The following HS3ST4 variants were observed in gnomAD, a reference collection of about 807,000 sequenced individuals.
HS3ST4 encodes the protein heparan sulfate-glucosamine 3-sulfotransferase 4, also known as heparan sulfate glucosamine 3-O-sulfotransferase 4.
In HS3ST4, 17 loss-of-function variants were observed where a neutral mutation model predicts 29.2. The observed-to-expected ratio is 0.58, with a 90% CI of 0.40 to 0.87. HS3ST4 has a LOEUF of 0.87. HS3ST4 is among the 40% of genes least tolerant of loss of function. HS3ST4 has a pLI of 0.00. For synonymous variants in HS3ST4, 314 were observed against 285.7 expected, an observed-to-expected ratio of 1.10 and a Z score of -1.00; for missense variants, 627 against 634.5, an observed-to-expected ratio of 0.99 and a Z score of 0.13.
intron 1 of HS3ST4, among the ~76,000 whole-genome samples, chr16:25,904,402 G>A (rs1968159539): frequency 6.6e-6 from 1 of 152,198 alleles, no homozygotes; most frequent in Admixed American, 6.5e-5. Context: ...TGGTGTCAAA[G>A]CATTGAAATA....
At chr16:25,968,260 G>C (rs753114219) in intron 1 of HS3ST4, among the ~76,000 whole-genome samples, 1 of 152,164 alleles carries the variant, frequency 6.6e-6, no homozygotes, top group African/African-American at 2.4e-5. Flanking sequence ...CAGCAAATGT[G>C]GCTGCAGGTG....
At chr16:25,871,854 GA>G (rs1385176674) in intron 1 of HS3ST4, among the ~76,000 whole-genome samples, 1 of 152,092 alleles carries the variant, frequency 6.6e-6, no homozygotes, top group Non-Finnish European at 1.5e-5. Context: ...ATTTTCTACT[GA>G]AAACTCTTCA....
rs965482375 is a variant in HS3ST4, at chr16:25,904,275, A to G, written c.734+211124A>G. 2.0e-5 allele frequency among the ~76,000 whole-genome samples: 3 copies of G among 152,128 alleles called. No homozygotes were observed. In the East Asian group the frequency reaches 5.8e-4, roughly 29 times the overall value. On this transcript the variant is annotated intron_variant, in intron 1 of 1. Transcript: ENST00000331351. ...GGAAGAATGGATGGATGAGTGAATG[A>G]TGTTTGGCATTTCTAACCTCTCATG...
chr16:25,931,227 C>T (rs1404986968), intron 1 of HS3ST4, among the ~76,000 whole-genome samples: 1 of 152,196 alleles, frequency 6.6e-6, no homozygotes, highest in Non-Finnish European at 1.5e-5. Context: ...CCGTGTGACC[C>T]CTCCAAGCTG....
At chr16:25,952,812 T>G (rs761987903) in intron 1 of HS3ST4, among the ~76,000 whole-genome samples, 2 of 152,196 alleles carry the variant, frequency 1.3e-5, no homozygotes, top group African/African-American at 2.4e-5. Flanking sequence ...TCATGGATAG[T>G]GCATTTCTGC....
intron 1 of HS3ST4, among the ~76,000 whole-genome samples, chr16:26,104,988 T>C (rs118158041): frequency 0.012 from 1,894 of 152,284 alleles, 115 homozygotes; most frequent in Admixed American, 0.11. Context: ...CCTGATACTT[T>C]CATTATTTCA....
chr16:25,788,452 CTG>C (rs1966860996), intron 1 of HS3ST4, among the ~76,000 whole-genome samples: 1 of 149,920 alleles, frequency 6.7e-6, no homozygotes, highest in Non-Finnish European at 1.5e-5. Context: ...CAGTAAGTCT[CTG>C]TGAATAATCT....
chr16:26,110,571 T>C (rs1445321104), intron 1 of HS3ST4, among the ~76,000 whole-genome samples: 1 of 152,206 alleles, frequency 6.6e-6, no homozygotes, highest in East Asian at 1.9e-4. Context: ...TGGCCCTTTC[T>C]TCCAAATAAT....
At chr16:25,723,001 A>G (rs1213077477) in intron 1 of HS3ST4, among the ~76,000 whole-genome samples, 4 of 152,230 alleles carry the variant, frequency 2.6e-5, no homozygotes, top group Non-Finnish European at 4.4e-5. Flanking sequence ...ACATGACAGG[A>G]GACAAGAGAG....
intron 1 of HS3ST4, among the ~76,000 whole-genome samples, chr16:25,946,755 A>G (rs1406101474): frequency 6.6e-6 from 1 of 152,148 alleles, no homozygotes; most frequent in Non-Finnish European, 1.5e-5. Context: ...ACCTAACCAA[A>G]CAGATCAGGA....
intron 1 of HS3ST4, among the ~76,000 whole-genome samples, chr16:26,129,085 A>G (rs1899384469): frequency 6.6e-6 from 1 of 152,200 alleles, no homozygotes; most frequent in East Asian, 1.9e-4. Flanking sequence ...AATCCGGGTG[A>G]TTGCTTTCTC....
chr16:26,116,680 T>C (rs1373794465), intron 1 of HS3ST4, among the ~76,000 whole-genome samples: 1 of 152,234 alleles, frequency 6.6e-6, no homozygotes, highest in African/African-American at 2.4e-5. Flanking sequence ...CATTTGTTCA[T>C]TGACATTTGT....
chr16:26,010,683 G>A (rs1969302487), intron 1 of HS3ST4, among the ~76,000 whole-genome samples: 1 of 152,084 alleles, frequency 6.6e-6, no homozygotes, highest in Non-Finnish European at 1.5e-5. Flanking sequence ...GCAAAGAGAT[G>A]TTCTGCGTAG....
chr16:25,889,742 C>T (rs934569850), intron 1 of HS3ST4, among the ~76,000 whole-genome samples: 2 of 152,104 alleles, frequency 1.3e-5, no homozygotes, highest in Non-Finnish European at 2.9e-5. Flanking sequence ...GTTCTCTGCC[C>T]CTACCCAAAT....
chr16:25,729,891 C>T (rs1966559815), intron 1 of HS3ST4, among the ~76,000 whole-genome samples: 1 of 152,152 alleles, frequency 6.6e-6, no homozygotes. Context: ...CTTTCCAGAG[C>T]ATTAAATGAG....
At chr16:26,128,757 T>C (rs1173899319) in intron 1 of HS3ST4, among the ~76,000 whole-genome samples, 1 of 152,218 alleles carries the variant, frequency 6.6e-6, no homozygotes, top group Non-Finnish European at 1.5e-5. Context: ...AATTGTATGG[T>C]ACTTGTGAGA....
chr16:26,090,505 A>G (rs1235760303), intron 1 of HS3ST4, among the ~76,000 whole-genome samples: 2 of 151,904 alleles, frequency 1.3e-5, no homozygotes, highest in African/African-American at 4.8e-5. Context: ...AGGGTGCACA[A>G]AATTTCCCAT....
chr16:26,041,592 G>A (rs893851150), intron 1 of HS3ST4, among the ~76,000 whole-genome samples: 3 of 152,122 alleles, frequency 2.0e-5, no homozygotes, highest in African/African-American at 7.2e-5. Context: ...CTTTTTCTGT[G>A]AAAGGCCTGA....
In HS3ST4 at chr16:25,794,240, T is replaced by C. The variant is rs1488715312; in HGVS notation, c.734+101089T>C. On this transcript the variant is annotated intron_variant, in intron 1 of 1. Coordinates refer to ENST00000331351, the MANE Select transcript of HS3ST4 (RefSeq NM_006040.3). The stretch of plus-strand genomic sequence containing the variant: ...GATCATTGTCATGCATTTTAATTCT[T>C]CATTATTTTATGCATTATAAAACAT... Among the ~76,000 whole-genome samples the C allele has an allele frequency of 2.0e-5, 3 of 152,138 alleles. No homozygotes were observed. In the East Asian group the frequency reaches 5.8e-4, roughly 29 times the overall value.
Sources: gnomAD v4.1 joint callset for allele counts (sites outside exome capture counted in the v4.1 genomes callset) on GRCh38, gnomAD v4.1.1 for gene constraint, MANE v1.5 for transcripts, NCBI Gene and HGNC (gene_info 2026-07-23, HGNC 2026-07-21) for gene names.